KCND2: variants seen among roughly 807,000 people sequenced by gnomAD.
The protein encoded by KCND2 is A-type voltage-gated potassium channel KCND2.
KCND2 carries 16 observed loss-of-function variants against 54.4 expected under a neutral mutation model. That is an observed-to-expected ratio of 0.29 (90% CI 0.20 to 0.45). KCND2 has a LOEUF of 0.45. Ranked by LOEUF, KCND2 falls within the 20% of genes least tolerant of loss-of-function variation. KCND2 has a pLI of 1.00. For synonymous variants in KCND2, 317 were observed against 310.7 expected (o/e 1.02, Z -0.21); for missense variants, 486 against 824.2 (o/e 0.59, Z 5.02).
At chr7:120,539,535 G>A (rs1562867679) in intron 1 of KCND2, among the ~76,000 whole-genome samples, 2 of 152,142 alleles carry the variant, frequency 1.3e-5, no homozygotes, top group African/African-American at 2.4e-5. Context: ...ACTTGCTGGC[G>A]TCCCTCCTGG....
At chr7:120,367,343 T>C (rs113447980) in intron 1 of KCND2, among the ~76,000 whole-genome samples, 213 of 152,248 alleles carry the variant, frequency 1.4e-3, no homozygotes, top group African/African-American at 4.9e-3. Context: ...GAAAAAGTAA[T>C]GCTGACTCTT....
intron 1 of KCND2, among the ~76,000 whole-genome samples, chr7:120,578,916 TCACA>T (rs111758455): frequency 6.8e-6 from 1 of 146,832 alleles, no homozygotes; most frequent in Non-Finnish European, 1.5e-5. Context: ...AGACCCTGTC[TCACA>T]CACACACACA....
At chr7:120,392,794 A>G (rs1801097071) in intron 1 of KCND2, among the ~76,000 whole-genome samples, 1 of 151,958 alleles carries the variant, frequency 6.6e-6, no homozygotes, top group Admixed American at 6.6e-5. Flanking sequence ...CACAGGGCTA[A>G]TTATTTTCAT....
At chr7:120,424,983 A>T (rs1382636743) in intron 1 of KCND2, among the ~76,000 whole-genome samples, 1 of 152,242 alleles carries the variant, frequency 6.6e-6, no homozygotes, top group Non-Finnish European at 1.5e-5. Context: ...AAATATTTCA[A>T]GGAAAAGTTT....
chr7:120,485,209 G>T (rs548133921), intron 1 of KCND2, among the ~76,000 whole-genome samples: 2 of 152,212 alleles, frequency 1.3e-5, no homozygotes, highest in African/African-American at 4.8e-5. Context: ...AATATTTGCA[G>T]CTATTAACAT....
At chr7:120,281,261 C>T (rs1415267162) in intron 1 of KCND2, among the ~76,000 whole-genome samples, 1 of 151,840 alleles carries the variant, frequency 6.6e-6, no homozygotes, top group Non-Finnish European at 1.5e-5. Context: ...GAATTCATTC[C>T]CTTTCCTCCC....
chr7:120,556,971 A>T (rs777423475), intron 1 of KCND2, among the ~76,000 whole-genome samples: 1 of 152,180 alleles, frequency 6.6e-6, no homozygotes, highest in African/African-American at 2.4e-5. Flanking sequence ...TGATAAACCA[A>T]CAATGTGAAT....
intron 1 of KCND2, among the ~76,000 whole-genome samples, chr7:120,556,149 T>C (rs1792160637): frequency 6.6e-6 from 1 of 152,092 alleles, no homozygotes; most frequent in South Asian, 2.1e-4. Flanking sequence ...TGATATTAGG[T>C]GAAAAATAAT....
At chr7:120,512,820 G>A (rs1803140141) in intron 1 of KCND2, among the ~76,000 whole-genome samples, 2 of 142,794 alleles carry the variant, frequency 1.4e-5, no homozygotes, top group South Asian at 2.2e-4. Context: ...TTTTTTTGGA[G>A]ACAGATTCTT....
chr7:120,274,543 G>T lies in KCND2; in HGVS notation c.-90G>T, dbSNP rs943230840. On this transcript the variant is annotated 5_prime_UTR_variant, in exon 1 of 6. Coordinates refer to ENST00000331113, the MANE Select transcript of KCND2 (RefSeq NM_012281.3). ...GGACCACGTTTCTCACTAGTACTTT[G>T]CTTGACTGGAGGAAGTGGGTGACTT... 7 of 1,450,024 alleles carry T rather than the reference G, an allele frequency of 4.8e-6. No homozygotes were observed. Among genetic ancestry groups the T allele is most frequent in the Non-Finnish European group, 6.8e-6 (7 of 1,032,066 alleles). The allele number at this position is 1,450,024 out of a possible 1,614,324, so 89.8% of individuals were successfully genotyped here.
At chr7:120,476,233 A>AC (rs1258826029) in intron 1 of KCND2, among the ~76,000 whole-genome samples, 2 of 152,162 alleles carry the variant, frequency 1.3e-5, no homozygotes, top group Non-Finnish European at 2.9e-5. Flanking sequence ...ACCTTTCAAT[A>AC]CCTTTTCTCT....
chr7:120,355,053 C>T (rs1800479102), intron 1 of KCND2, among the ~76,000 whole-genome samples: 1 of 152,160 alleles, frequency 6.6e-6, no homozygotes, highest in Non-Finnish European at 1.5e-5. Flanking sequence ...ACCCTCCTCT[C>T]CTGCACTTGC....
intron 1 of KCND2, among the ~76,000 whole-genome samples, chr7:120,308,572 AATTAT>A (rs1271770608): frequency 6.6e-6 from 1 of 152,172 alleles, no homozygotes; most frequent in Non-Finnish European, 1.5e-5. Context: ...AATTGCCTTG[AATTAT>A]ATTGGTCCAT....
At chr7:120,698,440 T>C (rs1792359457) in intron 1 of KCND2, among the ~76,000 whole-genome samples, 1 of 152,194 alleles carries the variant, frequency 6.6e-6, no homozygotes, top group South Asian at 2.1e-4. Flanking sequence ...TAAGTAATAA[T>C]AATAGTGTCC....
intron 1 of KCND2, among the ~76,000 whole-genome samples, chr7:120,520,023 A>T (rs1266010552): frequency 6.6e-6 from 1 of 152,108 alleles, no homozygotes; most frequent in East Asian, 1.9e-4. Context: ...ATTTTTTCAA[A>T]AGTAATGATT....
chr7:120,535,354 G>GA (rs1791892962), intron 1 of KCND2, among the ~76,000 whole-genome samples: 2 of 151,794 alleles, frequency 1.3e-5, no homozygotes, highest in South Asian at 4.2e-4. Flanking sequence ...TGGTTTCTTT[G>GA]AAAAAAAGTA....
At chr7:120,315,707 T>C (rs1455201894) in intron 1 of KCND2, among the ~76,000 whole-genome samples, 1 of 151,644 alleles carries the variant, frequency 6.6e-6, no homozygotes, top group African/African-American at 2.4e-5. Context: ...ATCATTGTTG[T>C]CAATGTAGGG....
chr7:120,361,258 A>T (rs998061057), intron 1 of KCND2, among the ~76,000 whole-genome samples: 1 of 152,058 alleles, frequency 6.6e-6, no homozygotes, highest in Non-Finnish European at 1.5e-5. Flanking sequence ...AGCTTGTTCT[A>T]ACCTAAAAAT....
intron 1 of KCND2, among the ~76,000 whole-genome samples, chr7:120,711,485 G>T (rs1479887355): frequency 6.6e-6 from 1 of 152,084 alleles, no homozygotes; most frequent in Admixed American, 6.6e-5. Flanking sequence ...AAATTCTAGA[G>T]GCCCACGTTG....
Sources: gnomAD v4.1 joint callset for allele counts (sites outside exome capture counted in the v4.1 genomes callset) on GRCh38, gnomAD v4.1.1 for gene constraint, MANE v1.5 for transcripts, NCBI Gene and HGNC (gene_info 2026-07-23, HGNC 2026-07-21) for gene names.